Variants in HDAC9 observed in about 807,000 individuals in gnomAD.
The protein encoded by HDAC9 is MEF-2 interacting transcription repressor (MITR) protein.
Under a neutral mutation model 139.4 loss-of-function variants are expected in HDAC9, and 41 were observed. That is an observed-to-expected ratio of 0.29 (90% CI 0.23 to 0.38). HDAC9 has a LOEUF of 0.38. Among genes scored for constraint, HDAC9 ranks in the 10% least tolerant of loss-of-function variants. The pLI, the probability that HDAC9 is intolerant of heterozygous loss-of-function variation, is 1.00. For missense variants in HDAC9, 1,147 were observed against 1,297.0 expected, an observed-to-expected ratio of 0.88 and a Z score of 1.78; for synonymous variants, 517 against 476.2, an observed-to-expected ratio of 1.09 and a Z score of -1.12.
In HDAC9 at chr7:18,315,240, T is replaced by C. The variant is rs149838909; in HGVS notation, c.-42+24725T>C. 1.3e-3 allele frequency among the ~76,000 whole-genome samples: 192 copies of C among 152,310 alleles called. 3 individuals are homozygous for C. The highest frequency in any genetic ancestry group is 4.4e-3 in the African/African-American group (181 of 41,564). ...TGTAAAATTAATATTTATTGAGCAC[T>C]TAGTAGGGGTCAGGCATTCACTGTT... is the stretch of plus-strand genomic sequence containing the variant. On this transcript the variant is annotated intron_variant, in intron 1 of 3. Coordinates refer to the HDAC9 transcript ENST00000413509.
At chr7:18,747,519 A>G (rs1400002159) in intron 13 of HDAC9, among the ~76,000 whole-genome samples, 5 of 152,174 alleles carry the variant, frequency 3.3e-5, no homozygotes, top group Non-Finnish European at 7.3e-5. Flanking sequence ...AACATGGGTA[A>G]TATCGTGTGT....
intron 23 of HDAC9, among the ~76,000 whole-genome samples, chr7:18,946,408 T>C (rs1782406164): frequency 6.6e-6 from 1 of 152,054 alleles, no homozygotes; most frequent in African/African-American, 2.4e-5. Context: ...CAGATGCTCT[T>C]TGAAGGGAAG....
chr7:18,205,835 G>C (rs1333609446), intron 2 of HDAC9, among the ~76,000 whole-genome samples: 1 of 152,012 alleles, frequency 6.6e-6, no homozygotes, highest in African/African-American at 2.4e-5. Flanking sequence ...TTCAGTGTTT[G>C]ATTTATTTCT....
chr7:18,880,548 C>T (rs908566087), intron 22 of HDAC9, among the ~76,000 whole-genome samples: 2 of 152,056 alleles, frequency 1.3e-5, no homozygotes, highest in African/African-American at 4.8e-5. Flanking sequence ...AAACTAATGC[C>T]AGAATGTAAA....
chr7:18,638,177 T>C (rs577672592), intron 8 of HDAC9, among the ~76,000 whole-genome samples: 1 of 152,248 alleles, frequency 6.6e-6, no homozygotes, highest in South Asian at 2.1e-4. Flanking sequence ...TATATTTGAA[T>C]GAAGTCTTTA....
In HDAC9 at chr7:18,864,680, A is replaced by G. The variant is rs117119515; in HGVS notation, c.2685-9798A>G. Among the ~76,000 whole-genome samples the G allele has an allele frequency of 7.7e-3, 1,167 of 151,640 alleles. 9 individuals carry two copies. The highest frequency in any genetic ancestry group is 0.013 in the Non-Finnish European group (914 of 67,900). On this transcript the variant is annotated intron_variant, in intron 21 of 25. Coordinates refer to ENST00000686413, the MANE Select transcript of HDAC9 (RefSeq NM_178425.4). ...TAAACAAATATTTTATCACCCTTGA[A>G]CCTCCCAAAATGCTCTACTTACAGA...
At chr7:18,908,813 G>A (rs566555699) in intron 22 of HDAC9, among the ~76,000 whole-genome samples, 6 of 152,046 alleles carry the variant, frequency 3.9e-5, no homozygotes, top group African/African-American at 1.2e-4. Flanking sequence ...TCCATTAATG[G>A]ACACATAGGT....
intron 24 of HDAC9, among the ~76,000 whole-genome samples, chr7:18,962,113 A>C (rs753476387): frequency 1.3e-5 from 2 of 152,160 alleles, no homozygotes; most frequent in Non-Finnish European, 2.9e-5. Flanking sequence ...CTTGTAAAAT[A>C]CTTCTAATCA....
At chr7:18,125,484 C>T (rs533279992) in intron 1 of HDAC9, among the ~76,000 whole-genome samples, 3 of 151,802 alleles carry the variant, frequency 2.0e-5, no homozygotes, top group African/African-American at 7.3e-5. Flanking sequence ...TGAGGACTGG[C>T]TCATGATATA....
chr7:18,744,645 A>G (rs1439855312), intron 13 of HDAC9, among the ~76,000 whole-genome samples: 1 of 152,214 alleles, frequency 6.6e-6, no homozygotes, highest in Non-Finnish European at 1.5e-5. Flanking sequence ...GACTCAGACT[A>G]ATAGGTCTTA....
intron 22 of HDAC9, among the ~76,000 whole-genome samples, chr7:18,886,251 C>A (rs949061088): frequency 6.6e-6 from 1 of 152,224 alleles, no homozygotes; most frequent in Admixed American, 6.5e-5. Context: ...ATATTTTCCA[C>A]CTGCACTGTT....
chr7:18,177,762 T>A (rs1203259303), intron 2 of HDAC9, among the ~76,000 whole-genome samples: 2 of 152,120 alleles, frequency 1.3e-5, no homozygotes, highest in Non-Finnish European at 2.9e-5. Context: ...AGTGAAGCAG[T>A]TGGCAGCTGT....
At chr7:18,709,706 A>G (rs1043727639) in intron 12 of HDAC9, among the ~76,000 whole-genome samples, 2 of 152,186 alleles carry the variant, frequency 1.3e-5, no homozygotes, top group African/African-American at 4.8e-5. Flanking sequence ...TTAGAATCAA[A>G]TGGGAGAATT....
intron 1 of HDAC9, among the ~76,000 whole-genome samples, chr7:18,329,155 T>A (rs1800702777): frequency 6.6e-6 from 1 of 151,866 alleles, no homozygotes; most frequent in Admixed American, 6.6e-5. Context: ...TAACATCTCC[T>A]TTTTCATTTC....
intron 2 of HDAC9, among the ~76,000 whole-genome samples, chr7:18,519,770 A>C (rs1440708206): frequency 6.6e-6 from 1 of 152,130 alleles, no homozygotes; most frequent in Non-Finnish European, 1.5e-5. Flanking sequence ...TACTTGCACA[A>C]ATTCACAATA....
chr7:18,487,048 A>G (rs1359008806), intron 1 of HDAC9, among the ~76,000 whole-genome samples: 1 of 152,100 alleles, frequency 6.6e-6, no homozygotes, highest in Non-Finnish European at 1.5e-5. Context: ...TGCACCAGCA[A>G]GGGCTTCTAT....
At chr7:18,603,610 T>G (rs1050355420) in intron 6 of HDAC9, among the ~76,000 whole-genome samples, 3 of 152,114 alleles carry the variant, frequency 2.0e-5, no homozygotes, top group Non-Finnish European at 4.4e-5. Context: ...TTCTTTATAT[T>G]GCTGTCATTT....
intron 1 of HDAC9, among the ~76,000 whole-genome samples, chr7:18,467,896 T>C (rs539927533): frequency 6.6e-6 from 1 of 152,304 alleles, no homozygotes; most frequent in East Asian, 1.9e-4. Flanking sequence ...TGCCATTTTC[T>C]CAGACTTTGT....
At chr7:18,575,866 G>A (rs529584028) in intron 2 of HDAC9, among the ~76,000 whole-genome samples, 1 of 152,238 alleles carries the variant, frequency 6.6e-6, no homozygotes, top group African/African-American at 2.4e-5. Context: ...CACCACACAT[G>A]CACTGAGGCC....
Sources: gnomAD v4.1 joint callset for allele counts (sites outside exome capture counted in the v4.1 genomes callset) on GRCh38, gnomAD v4.1.1 for gene constraint, MANE v1.5 for transcripts, NCBI Gene and HGNC (gene_info 2026-07-23, HGNC 2026-07-21) for gene names.